The following PRIM2 variants were observed in gnomAD, a reference collection of about 807,000 sequenced individuals.
The protein encoded by PRIM2 is DNA primase large subunit.
PRIM2 carries 39 observed loss-of-function variants against 67.3 expected under a neutral mutation model. That is an observed-to-expected ratio of 0.58 (90% CI 0.45 to 0.76). PRIM2 has a LOEUF of 0.76. Among genes scored for constraint, PRIM2 ranks in the 30% least tolerant of loss-of-function variants. PRIM2 has a pLI of 0.00. For synonymous variants in PRIM2, 143 were observed against 198.7 expected, an observed-to-expected ratio of 0.72 and a Z score of 2.36; for missense variants, 398 against 598.7, an observed-to-expected ratio of 0.66 and a Z score of 3.50.
At chr6:57,644,396 C>T (rs1276318535) in intron 13 of PRIM2, among the ~76,000 whole-genome samples, 4 of 152,210 alleles carry the variant, frequency 2.6e-5, no homozygotes, top group East Asian at 1.9e-4. Context: ...TCTCCTCAGC[C>T]GAAATTTCTC....
chr6:57,645,832 T>C, intron 13 of PRIM2, 96 bp from the exon 14 acceptor site: 2 of 647,802 alleles, frequency 3.1e-6, no homozygotes, highest in East Asian at 5.4e-5. Context: ...ATGTTTCAGG[T>C]ATTAAGTTTT....
At chr6:57,577,970 G>T (rs1406643961) in intron 10 of PRIM2, among the ~76,000 whole-genome samples, 9 of 152,094 alleles carry the variant, frequency 5.9e-5, no homozygotes, top group Admixed American at 5.2e-4. Flanking sequence ...AAGACTCCAC[G>T]TTGCATTTAG....
At chr6:57,517,394 A>G (rs1260447700) in intron 8 of PRIM2, among the ~76,000 whole-genome samples, 2 of 152,332 alleles carry the variant, frequency 1.3e-5, no homozygotes, top group South Asian at 2.1e-4. Context: ...GTTGAATGCT[A>G]TGTAATAGAA....
intron 8 of PRIM2, 60 bp downstream of exon 8, chr6:57,507,514 G>A: frequency 6.9e-7 from 1 of 1,442,836 alleles, no homozygotes; most frequent in Admixed American, 2.6e-5. Context: ...AGTGAATAAA[G>A]TATATTAAAG....
intron 7 of PRIM2, among the ~76,000 whole-genome samples, chr6:57,437,946 C>T (rs5012209): frequency 6.6e-6 from 1 of 152,064 alleles, no homozygotes; most frequent in Non-Finnish European, 1.5e-5. Flanking sequence ...CATGAGCCAC[C>T]CTGCCTGGAC....
At chr6:57,223,671 AT>A in the PRIM2 span, among the ~76,000 whole-genome samples, 1 of 152,162 alleles carries the variant, frequency 6.6e-6, no homozygotes, top group East Asian at 1.9e-4. Flanking sequence ...TTGAATAGAC[AT>A]TTCTCCAAAG....
At chr6:57,513,911 A>G (rs1408706991) in intron 8 of PRIM2, among the ~76,000 whole-genome samples, 5 of 152,206 alleles carry the variant, frequency 3.3e-5, no homozygotes, top group African/African-American at 1.2e-4. Flanking sequence ...TAAAATGCGT[A>G]TTTGTCACAC....
intron 7 of PRIM2, among the ~76,000 whole-genome samples, chr6:57,424,206 G>A (rs560678363): frequency 6.6e-6 from 1 of 152,186 alleles, no homozygotes; most frequent in African/African-American, 2.4e-5. Context: ...TTAGCTGTCT[G>A]GAGCTTAACT....
the PRIM2 span, among the ~76,000 whole-genome samples, chr6:57,276,640 A>G: frequency 6.6e-6 from 1 of 152,024 alleles, no homozygotes; most frequent in African/African-American, 2.4e-5. Context: ...ATTAAGATGT[A>G]ATGATATATT....
At chr6:57,283,525 A>G in the PRIM2 span, among the ~76,000 whole-genome samples, 3 of 152,200 alleles carry the variant, frequency 2.0e-5, no homozygotes, top group African/African-American at 7.2e-5. Flanking sequence ...CTGAAGATTA[A>G]TATAGCGTTA....
intron 7 of PRIM2, among the ~76,000 whole-genome samples, chr6:57,393,403 T>C (rs1770423041): frequency 6.6e-6 from 1 of 152,134 alleles, no homozygotes; most frequent in Non-Finnish European, 1.5e-5. Context: ...TCCCTGATCA[T>C]TAGTGATGTT....
At chr6:57,303,274 A>G in the PRIM2 span, among the ~76,000 whole-genome samples, 4 of 152,210 alleles carry the variant, frequency 2.6e-5, no homozygotes, top group Non-Finnish European at 4.4e-5. Flanking sequence ...TAATGATAGG[A>G]AGATTTAGTC....
chr6:57,445,417 T>G lies in PRIM2; in HGVS notation c.694-61970T>G, dbSNP rs533640455. Among the ~76,000 whole-genome samples, 7 of 152,288 alleles carry G rather than the reference T, an allele frequency of 4.6e-5. No individual in the cohort carries two copies. In the South Asian group the frequency reaches 1.5e-3, roughly 32 times the overall value. ...GTAAATACCTCCTTTGGCAGTAACATAGCACCCATTATCCTCAATATATTT... is the reference window on the plus strand; with the variant it reads ...GTAAATACCTCCTTTGGCAGTAACAGAGCACCCATTATCCTCAATATATTT... On this transcript the variant is annotated intron_variant, in intron 7 of 13. Coordinates refer to ENST00000615550, the MANE Select transcript of PRIM2 (RefSeq NM_000947.5).
At chr6:57,574,904 A>G (rs2127482771) in intron 10 of PRIM2, among the ~76,000 whole-genome samples, 1 of 152,186 alleles carries the variant, frequency 6.6e-6, no homozygotes, top group East Asian at 1.9e-4. Flanking sequence ...ATGTAGTCCC[A>G]TCTAATATTT....
chr6:57,348,493 T>C (rs927892966), intron 5 of PRIM2, among the ~76,000 whole-genome samples: 12 of 152,200 alleles, frequency 7.9e-5, no homozygotes, highest in African/African-American at 2.9e-4. Flanking sequence ...AGAGATGCCA[T>C]AGAGGAAAGC....
At chr6:57,393,716 T>C (rs1770435239) in intron 7 of PRIM2, among the ~76,000 whole-genome samples, 1 of 152,016 alleles carries the variant, frequency 6.6e-6, no homozygotes, top group South Asian at 2.1e-4. Context: ...TTTTCGGTTC[T>C]TGGTCATGAA....
chr6:57,341,369 A>C (rs1195587299), intron 5 of PRIM2, among the ~76,000 whole-genome samples: 1 of 152,194 alleles, frequency 6.6e-6, no homozygotes, highest in Non-Finnish European at 1.5e-5. Flanking sequence ...TTTGTGGCTG[A>C]TGGGGATTCA....
At chr6:57,580,421 T>G (rs1776059818) in intron 10 of PRIM2, among the ~76,000 whole-genome samples, 1 of 152,168 alleles carries the variant, frequency 6.6e-6, no homozygotes, top group Non-Finnish European at 1.5e-5. Context: ...GCATACAAAT[T>G]TATTTCATAT....
chr6:57,375,605 G>GT (rs559028988), intron 5 of PRIM2, among the ~76,000 whole-genome samples: 56 of 151,718 alleles, frequency 3.7e-4, no homozygotes, highest in African/African-American at 1.3e-3. Context: ...AGTCTAGAGG[G>GT]TAGTGGTGTG....
Sources: allele counts gnomAD v4.1 joint callset (sites outside exome capture counted in the v4.1 genomes callset), GRCh38; gene constraint gnomAD v4.1.1; transcripts MANE v1.5; gene names NCBI Gene and HGNC (gene_info 2026-07-23, HGNC 2026-07-21).